Variants in STON1 observed in about 807,000 individuals in gnomAD.
The protein encoded by STON1 is stonin 1.
STON1 carries 79 observed loss-of-function variants against 60.9 expected under a neutral mutation model. That is an observed-to-expected ratio of 1.30 (90% CI 1.08 to 1.56). STON1 has a LOEUF of 1.56. Among genes scored for constraint, STON1 ranks in the 40% most tolerant of loss-of-function variants. STON1 has a pLI of 0.00. For synonymous variants in STON1, 363 were observed against 306.9 expected (o/e 1.18, Z -1.91); for missense variants, 1,166 against 858.9 (o/e 1.36, Z -4.47).
intron 1 of STON1, among the ~76,000 whole-genome samples, chr2:48,544,490 G>A (rs930399178): frequency 5.3e-5 from 8 of 152,182 alleles, no homozygotes; most frequent in Admixed American, 5.2e-4. Flanking sequence ...TCATATTCAG[G>A]GACAGTTTGG....
chr2:48,589,823 A>G (rs142409039), intron 2 of STON1, among the ~76,000 whole-genome samples: 3 of 152,370 alleles, frequency 2.0e-5, no homozygotes, highest in African/African-American at 7.2e-5. Context: ...AATTATAGTA[A>G]TTAAATAATA....
At chr2:48,578,355 T>C (rs981942845) in intron 1 of STON1, among the ~76,000 whole-genome samples, 3 of 152,240 alleles carry the variant, frequency 2.0e-5, no homozygotes, top group Admixed American at 1.3e-4. Flanking sequence ...AGGCTACATG[T>C]AGTCCAGGAC....
At chr2:48,542,644 C>G (rs1323281314) in intron 1 of STON1, among the ~76,000 whole-genome samples, 1 of 152,176 alleles carries the variant, frequency 6.6e-6, no homozygotes, top group Admixed American at 6.5e-5. Context: ...GTGGCTCAAG[C>G]CTATAATTCC....
chr2:48,595,428 T>G lies in STON1; in HGVS notation c.*126T>G. The G allele has an allele frequency of 2.6e-6, 2 of 781,014 alleles. No individual in the cohort carries two copies. Among genetic ancestry groups the G allele is most frequent in the Non-Finnish European group, 4.1e-6 (2 of 486,982 alleles). The allele number at this position is 781,014 out of a possible 1,614,324, so 48.4% of individuals were successfully genotyped here. On this transcript the variant is annotated 3_prime_UTR_variant, in exon 4 of 4. Transcript: ENST00000404752. Reference sequence around the variant, plus strand: ...GCGGTTTTAGGACAGGTCTGATGGCTGTGTTTAGAGAAGTTTAGACCTAAA... The same window carrying G: ...GCGGTTTTAGGACAGGTCTGATGGCGGTGTTTAGAGAAGTTTAGACCTAAA...
At position 48,581,864 on chromosome 2, in the gene STON1, G is replaced by T; in HGVS notation, c.1231G>T (p.Glu411Ter). 3.1e-6 allele frequency: 5 copies of T among 1,614,142 alleles called. No homozygotes were observed. The highest frequency in any genetic ancestry group is 3.4e-6 in the Non-Finnish European group (4 of 1,180,024). ...TGTTTCAAAACCAAAAAAGAACTAC[G>T]AGGAGCAAGAAATTTCCTTGGAAAT... ...PAVSKPKKNY[E>*]EQEISLEIVD... Residue 411 changes from glutamate (E) to a stop codon, truncating the protein, a stop_gained, in exon 2 of 4, where the codon GAG becomes TAG. Transcript: ENST00000404752. LOFTEE classifies it high-confidence loss of function.
chr2:48,554,290 C>T (rs760389839), intron 1 of STON1, among the ~76,000 whole-genome samples: 1 of 152,146 alleles, frequency 6.6e-6, no homozygotes, highest in East Asian at 1.9e-4. Flanking sequence ...GACACAATCT[C>T]GGCTCACTGC....
chr2:48,562,999 C>G (rs1300839642), intron 1 of STON1, among the ~76,000 whole-genome samples: 1 of 152,264 alleles, frequency 6.6e-6, no homozygotes, highest in Non-Finnish European at 1.5e-5. Context: ...GAGAGACTGA[C>G]TGACCTTGCC....
chr2:48,564,679 T>TC (rs1672852541), intron 1 of STON1, among the ~76,000 whole-genome samples: 1 of 145,268 alleles, frequency 6.9e-6, no homozygotes, highest in African/African-American at 2.5e-5. Context: ...TTCTTCTTCT[T>TC]CTTCCTTCTT....
At position 48,581,391 on chromosome 2, in the gene STON1, T is replaced by C; in HGVS notation, c.758T>C (p.Leu253Pro). The C allele has an allele frequency of 1.9e-6, 3 of 1,606,632 alleles. No homozygotes were observed. The highest frequency in any genetic ancestry group is 2.6e-6 in the Non-Finnish European group (3 of 1,175,946). Residue 253 changes from leucine (L) to proline (P), a missense_variant, in exon 2 of 4, where the codon CTA (leucine) becomes CCA (proline). Coordinates refer to ENST00000404752, the MANE Select transcript of STON1 (RefSeq NM_006873.4). ...CTTAGAAGTTTGTCTATGCACTGTC[T>C]ATGTGCTGAAGAAAATGCCTCTTCC... is the stretch of plus-strand genomic sequence containing the variant. ...DSLRSLSMHC[L>P]CAEENASSFV...
At chr2:48,564,500 TC>T (rs1672805490) in intron 1 of STON1, among the ~76,000 whole-genome samples, 4 of 23,612 alleles carry the variant, frequency 1.7e-4, no homozygotes, top group Non-Finnish European at 3.1e-4. Flanking sequence ...TTCTTCTTCT[TC>T]TTCTTCTTCT....
At chr2:48,571,393 G>T (rs1673203198) in intron 1 of STON1, among the ~76,000 whole-genome samples, 1 of 152,168 alleles carries the variant, frequency 6.6e-6, no homozygotes, top group Admixed American at 6.5e-5. Context: ...TGGGGAAAGT[G>T]CCCAGAAGCT....
Position 48,555,568 on chromosome 2 carries a change from C to T in STON1, c.-47-25019C>T, listed in dbSNP as rs866531528. 6.7e-3 allele frequency among the ~76,000 whole-genome samples: 392 copies of T among 58,764 alleles called. 5 individuals are homozygous for T. Among genetic ancestry groups the T allele is most frequent in the African/African-American group, 0.026 (358 of 13,512 alleles). The allele number at this position is 58,764 out of a possible 152,430, so 38.6% of individuals were successfully genotyped here. On this transcript the variant is annotated intron_variant, in intron 1 of 3. Coordinates refer to ENST00000404752, the MANE Select transcript of STON1 (RefSeq NM_006873.4). ...GTGGGGCTGACACCCCCACCTCCCT[C>T]CTGGACAGGGCGGCTGGCCGGGCGG...
In STON1 at chr2:48,572,923, G is replaced by A. The variant is rs117520968; in HGVS notation, c.-47-7664G>A. On this transcript the variant is annotated intron_variant, in intron 1 of 3. Transcript: ENST00000404752. ...GCCTAAGGGCAGTGACAGTGAAATG[G>A]CCTCCAGGGAGCCAGCAGCCTGGGC... 6.8e-4 allele frequency among the ~76,000 whole-genome samples: 104 copies of A among 152,318 alleles called. 1 individual carries two copies. The East Asian group carries it at 0.019, about 28-fold the overall frequency.
chr2:48,576,185 CTTTTT>C (rs34849002), intron 1 of STON1, among the ~76,000 whole-genome samples: 2 of 63,070 alleles, frequency 3.2e-5, no homozygotes, highest in African/African-American at 7.1e-5. Context: ...GTTTTCCTTT[CTTTTT>C]TTTTTTTTTT....
intron 1 of STON1, among the ~76,000 whole-genome samples, chr2:48,564,050 C>T (rs1365789234): frequency 6.6e-6 from 1 of 152,140 alleles, no homozygotes; most frequent in East Asian, 1.9e-4. Context: ...TGTTAGAGGC[C>T]CGTGACTGGC....
At chr2:48,573,561 A>G (rs1391145272) in intron 1 of STON1, among the ~76,000 whole-genome samples, 1 of 151,964 alleles carries the variant, frequency 6.6e-6, no homozygotes, top group Non-Finnish European at 1.5e-5. Flanking sequence ...CAAGCCCCAC[A>G]TCAGTGTTGT....
chr2:48,564,508 T>C lies in STON1; in HGVS notation c.-47-16079T>C, dbSNP rs1337482740. On this transcript the variant is annotated intron_variant, in intron 1 of 3. Transcript: ENST00000404752. ...CTTCTTCTTCTTCTTCTTCTTCTTCTTCTTCTTCTTCTTCTTCTTCTTCTT... is the reference window on the plus strand; with the variant it reads ...CTTCTTCTTCTTCTTCTTCTTCTTCCTCTTCTTCTTCTTCTTCTTCTTCTT... Among the ~76,000 whole-genome samples, 15 of 29,162 alleles carry C rather than the reference T, an allele frequency of 5.1e-4. 1 individual carries two copies. Among genetic ancestry groups the C allele is most frequent in the Admixed American group, 7.5e-4 (2 of 2,652 alleles). The allele number at this position is 29,162 out of a possible 152,430, so 19.1% of individuals were successfully genotyped here.
chr2:48,571,371 G>A (rs1047926167), intron 1 of STON1, among the ~76,000 whole-genome samples: 3 of 152,178 alleles, frequency 2.0e-5, no homozygotes, highest in Non-Finnish European at 4.4e-5. Context: ...GCACTAACTG[G>A]ATTTGAGACT....
At chr2:48,541,622 C>T (rs1481247202) in intron 1 of STON1, among the ~76,000 whole-genome samples, 4 of 144,734 alleles carry the variant, frequency 2.8e-5, no homozygotes, top group African/African-American at 1.0e-4. Flanking sequence ...TCACTTGAAC[C>T]TAGGAGATGG....
Sources: allele counts gnomAD v4.1 joint callset (sites outside exome capture counted in the v4.1 genomes callset), GRCh38; gene constraint gnomAD v4.1.1; transcripts MANE v1.5; gene names NCBI Gene and HGNC (gene_info 2026-07-23, HGNC 2026-07-21).